Variants in RHEX observed in about 807,000 individuals in gnomAD.
RHEX encodes regulator of hemoglobinization and erythroid cell expansion protein.
In RHEX, 18 loss-of-function variants were observed where a neutral mutation model predicts 20.1. That is an observed-to-expected ratio of 0.90 (90% confidence interval 0.62 to 1.33). The LOEUF (loss-of-function observed/expected upper bound fraction) is 1.33. RHEX is among the 40% of genes most tolerant of loss of function. The pLI is 0.00. For missense variants in RHEX, 192 were observed against 214.3 expected, an observed-to-expected ratio of 0.90 and a Z score of 0.65; for synonymous variants, 87 against 77.1, an observed-to-expected ratio of 1.13 and a Z score of -0.67.
Position 206,101,964 on chromosome 1 carries a change from T to C in RHEX, c.*12T>C. ...AAGTGGCCATGTGAATTCCAAATAT[T>C]TTTAATGGGGTCCAGTTCTCTATGG... On this transcript the variant is annotated 3_prime_UTR_variant, in exon 6 of 6. Coordinates refer to ENST00000331555, the MANE Select transcript of RHEX (RefSeq NM_001007544.4). 6.3e-7 allele frequency: 1 copy of C among 1,590,026 alleles called. No individual in the cohort carries two copies. Among genetic ancestry groups the C allele is most frequent in the South Asian group, 1.1e-5 (1 of 90,410 alleles).
At chr1:206,059,372 G>T (rs1002960043) in intron 1 of RHEX, among the ~76,000 whole-genome samples, 6 of 152,142 alleles carry the variant, frequency 3.9e-5, no homozygotes, top group Non-Finnish European at 8.8e-5. Context: ...ATCCCATCTG[G>T]CCTTGGTGCC....
intron 1 of RHEX, among the ~76,000 whole-genome samples, chr1:206,070,522 T>C (rs1662505828): frequency 6.6e-6 from 1 of 152,192 alleles, no homozygotes; most frequent in Non-Finnish European, 1.5e-5. Flanking sequence ...GAACATGAAA[T>C]GCTTTGCACA....
chr1:206,058,465 AT>A (rs573382626), intron 1 of RHEX, among the ~76,000 whole-genome samples: 2 of 152,386 alleles, frequency 1.3e-5, no homozygotes, highest in South Asian at 4.1e-4. Flanking sequence ...ATTGTTTTAT[AT>A]TGTTTTATAC....
At chr1:206,098,359 C>T (rs1663121526) in intron 3 of RHEX, 178 bp downstream of exon 3, 1 of 584,170 alleles carries the variant, frequency 1.7e-6, no homozygotes, top group African/African-American at 1.9e-5. Flanking sequence ...CTGGGTAATC[C>T]CCACTCTGAC....
chr1:206,061,003 ACT>A (rs1253263850), intron 1 of RHEX, among the ~76,000 whole-genome samples: 4 of 151,850 alleles, frequency 2.6e-5, no homozygotes, highest in Admixed American at 2.6e-4. Context: ...CTTGCTGGGG[ACT>A]CTGTACACAG....
intron 1 of RHEX, among the ~76,000 whole-genome samples, chr1:206,086,912 T>A (rs1390796714): frequency 6.6e-6 from 1 of 151,416 alleles, no homozygotes; most frequent in African/African-American, 2.4e-5. Flanking sequence ...GAGGCTGAGG[T>A]GGGAGGATTG....
At chr1:206,072,583 A>G (rs932267573) in intron 1 of RHEX, among the ~76,000 whole-genome samples, 11 of 152,310 alleles carry the variant, frequency 7.2e-5, no homozygotes, top group African/African-American at 2.2e-4. Context: ...CTCAAAAAGA[A>G]AAAAAAGAGG....
At chr1:206,081,589 T>G (rs1553285911) in intron 1 of RHEX, among the ~76,000 whole-genome samples, 1 of 152,148 alleles carries the variant, frequency 6.6e-6, no homozygotes, top group East Asian at 1.9e-4. Context: ...CTAGCAAGAG[T>G]GTGCACAGAA....
intron 1 of RHEX, among the ~76,000 whole-genome samples, chr1:206,071,652 G>T (rs1444530990): frequency 6.6e-6 from 1 of 151,194 alleles, no homozygotes; most frequent in African/African-American, 2.4e-5. Flanking sequence ...TTCAAGACCA[G>T]TCTGGGCAAC....
chr1:206,059,000 A>C (rs1399769717), intron 1 of RHEX, among the ~76,000 whole-genome samples: 1 of 152,086 alleles, frequency 6.6e-6, no homozygotes, highest in Non-Finnish European at 1.5e-5. Context: ...CAGGATAGGT[A>C]CTTGCCTTTC....
intron 1 of RHEX, among the ~76,000 whole-genome samples, chr1:206,076,792 T>G (rs2102316647): frequency 6.6e-6 from 1 of 152,324 alleles, no homozygotes; most frequent in East Asian, 1.9e-4. Context: ...GAAGGATGGC[T>G]TATATGGACT....
At chr1:206,097,346 G>A (rs1553287824) in intron 1 of RHEX, among the ~76,000 whole-genome samples, 1 of 151,812 alleles carries the variant, frequency 6.6e-6, no homozygotes, top group African/African-American at 2.4e-5. Flanking sequence ...TCTTGGCACT[G>A]GATGCATGGA....
rs562409339 is a variant in RHEX, at chr1:206,083,427, C to T, written c.-96-14306C>T. ...CTGGGCAGAGCATGGCCAAAAGAGA[C>T]AGGAGGCATTATCTCTCCCTTCACC... On this transcript the variant is annotated intron_variant, in intron 1 of 5. Transcript: ENST00000331555. 196 of 850,932 alleles carry T rather than the reference C, an allele frequency of 2.3e-4. 1 individual carries two copies. The South Asian group carries it at 9.1e-3, about 39-fold the overall frequency. 52.7% of individuals were successfully genotyped at this position (850,932 alleles called of 1,614,324 possible).
chr1:206,073,962 A>C (rs1172873347), intron 1 of RHEX, among the ~76,000 whole-genome samples: 1 of 152,158 alleles, frequency 6.6e-6, no homozygotes, highest in Non-Finnish European at 1.5e-5. Context: ...AACACAGCAA[A>C]CAAGGGCCTC....
At position 206,101,065 on chromosome 1, in the gene RHEX, C is replaced by T. The variant is rs79599132; in HGVS notation, c.257-71C>T. The T allele has an allele frequency of 4.7e-3, 5,704 of 1,204,896 alleles. 206 individuals carry two copies. The African/African-American group carries it at 0.076, about 16-fold the overall frequency. The allele number at this position is 1,204,896 out of a possible 1,614,324, so 74.6% of individuals were successfully genotyped here. A position where few individuals can be genotyped will look rare whatever the true frequency, so the allele number is the denominator to read the frequency against. On this transcript the variant is annotated intron_variant, in intron 4 of 5. Transcript: ENST00000331555. ...TCTGATAATAAGACAATTCTCCCTT[C>T]CATTGTCTCTATCCTCTCTTAACAC...
chr1:206,080,676 T>G, intron 1 of RHEX, among the ~76,000 whole-genome samples: 1 of 152,004 alleles, frequency 6.6e-6, no homozygotes, highest in South Asian at 2.1e-4. Flanking sequence ...GGGGCAGGAG[T>G]CTGTCAGCTC....
intron 1 of RHEX, among the ~76,000 whole-genome samples, chr1:206,069,672 GA>G (rs1662491820): frequency 6.6e-6 from 1 of 152,072 alleles, no homozygotes; most frequent in South Asian, 2.1e-4. Flanking sequence ...CACTGGAGAT[GA>G]ATATACTTTA....
chr1:206,064,956 C>A (rs1490470019), intron 1 of RHEX, among the ~76,000 whole-genome samples: 2 of 152,126 alleles, frequency 1.3e-5, no homozygotes, highest in African/African-American at 4.8e-5. Flanking sequence ...GCCTTGGGAT[C>A]CTGTTGATCT....
At chr1:206,080,069 G>A (rs563710080) in intron 1 of RHEX, among the ~76,000 whole-genome samples, 4 of 152,316 alleles carry the variant, frequency 2.6e-5, no homozygotes, top group Non-Finnish European at 5.9e-5. Context: ...AATTGCAATG[G>A]GAAGCCGCTG....
Sources: gnomAD v4.1 joint callset for allele counts (sites outside exome capture counted in the v4.1 genomes callset) on GRCh38, gnomAD v4.1.1 for gene constraint, MANE v1.5 for transcripts, NCBI Gene and HGNC (gene_info 2026-07-23, HGNC 2026-07-21) for gene names.